Variants in ATP9B observed in about 807,000 individuals in gnomAD.
ATP9B encodes probable phospholipid-transporting ATPase IIB.
ATP9B carries 110 observed loss-of-function variants against 146.1 expected under a neutral mutation model. The observed-to-expected ratio is 0.75, with a 90% CI of 0.65 to 0.88. ATP9B has a LOEUF of 0.88. ATP9B is among the 40% of genes least tolerant of loss of function. The pLI, the probability that ATP9B is intolerant of heterozygous loss-of-function variation, is 0.00. For synonymous variants in ATP9B, 604 were observed against 569.7 expected (o/e 1.06, Z -0.86); for missense variants, 1,499 against 1,496.4 (o/e 1.00, Z -0.03).
At chr18:79,120,732 C>T (rs2094174629) in intron 4 of ATP9B, among the ~76,000 whole-genome samples, 1 of 152,284 alleles carries the variant, frequency 6.6e-6, no homozygotes, top group South Asian at 2.1e-4. Context: ...AGCTCTGGCT[C>T]TAACAGTTTT....
intron 7 of ATP9B, among the ~76,000 whole-genome samples, chr18:79,158,849 G>T (rs961652409): frequency 2.0e-5 from 3 of 152,084 alleles, no homozygotes; most frequent in African/African-American, 7.2e-5. Flanking sequence ...TTTGTTCTAG[G>T]TCTGCAGCAT....
chr18:79,167,632 T>G (rs932907261), intron 7 of ATP9B, among the ~76,000 whole-genome samples: 9 of 152,164 alleles, frequency 5.9e-5, no homozygotes, highest in South Asian at 2.1e-4. Context: ...GAAACTCGCT[T>G]TTTTTATGAA....
intron 12 of ATP9B, among the ~76,000 whole-genome samples, chr18:79,272,725 A>C (rs928564058): frequency 1.3e-5 from 2 of 152,196 alleles, no homozygotes; most frequent in Non-Finnish European, 2.9e-5. Flanking sequence ...TCTTCAGATC[A>C]GTGATCATTT....
At chr18:79,165,250 C>G (rs1483861198) in intron 7 of ATP9B, among the ~76,000 whole-genome samples, 1 of 152,346 alleles carries the variant, frequency 6.6e-6, no homozygotes, top group South Asian at 2.1e-4. Context: ...CTGTCTGGCT[C>G]TGCCTACTCT....
In ATP9B at chr18:79,373,923, G is replaced by A. The variant is rs371190063; in HGVS notation, c.3096G>A (p.Leu1032=). ...GCGGCATCCTCATGTATGGGGCCCTGGTGCTCTTCGAGTCTGAGTTCGTCC... is the reference window on the plus strand; with the variant it reads ...GCGGCATCCTCATGTATGGGGCCCTAGTGCTCTTCGAGTCTGAGTTCGTCC... ...YQGGILMYGA[L]VLFESEFVHV... is the part of the protein sequence containing the mutation. Residue 1032 remains leucine, a synonymous_variant, in exon 28 of 30, where the codon CTG becomes CTA. Transcript: ENST00000426216. The A allele has an allele frequency of 3.1e-5, 50 of 1,613,068 alleles. No homozygotes were observed. The highest frequency in any genetic ancestry group is 6.8e-6 in the Non-Finnish European group (8 of 1,180,022).
At chr18:79,348,658 G>A (rs1196555103) in intron 25 of ATP9B, among the ~76,000 whole-genome samples, 1 of 152,244 alleles carries the variant, frequency 6.6e-6, no homozygotes, top group Middle Eastern at 3.2e-3. Flanking sequence ...CTCCTGGGCA[G>A]GAATGGAATC....
At chr18:79,295,578 A>G (rs993799651) in intron 13 of ATP9B, among the ~76,000 whole-genome samples, 1 of 152,196 alleles carries the variant, frequency 6.6e-6, no homozygotes, top group Non-Finnish European at 1.5e-5. Flanking sequence ...AAATTTTTAT[A>G]TGTGTCATTA....
At chr18:79,126,521 A>G (rs1599743872) in intron 5 of ATP9B, 146 bp downstream of exon 5, 1 of 592,226 alleles carries the variant, frequency 1.7e-6, no homozygotes, top group Non-Finnish European at 2.8e-6. Context: ...TAATTTCCTT[A>G]TAATGTATAA....
chr18:79,377,190 T>C, intron 29 of ATP9B, 57 bp from the exon 30 acceptor site: 2 of 1,600,218 alleles, frequency 1.2e-6, no homozygotes, highest in East Asian at 4.5e-5. Flanking sequence ...GCTGTGGCCA[T>C]GAGGGCCCAG....
intron 27 of ATP9B, among the ~76,000 whole-genome samples, chr18:79,373,487 C>T (rs113884243): frequency 0.023 from 3,253 of 141,580 alleles, 54 homozygotes; most frequent in Middle Eastern, 0.057. Context: ...TGGCCATTAT[C>T]CGCCTTTTTT....
intron 13 of ATP9B, among the ~76,000 whole-genome samples, chr18:79,295,127 C>G (rs1250915399): frequency 7.0e-6 from 1 of 142,870 alleles, no homozygotes; most frequent in Non-Finnish European, 1.5e-5. Flanking sequence ...CACACACACA[C>G]AGCAAGGTTG....
intron 1 of ATP9B, among the ~76,000 whole-genome samples, chr18:79,078,963 C>T (rs866334867): frequency 1.3e-4 from 20 of 152,294 alleles, no homozygotes; most frequent in South Asian, 2.1e-4. Context: ...TTTCCAGCTT[C>T]GTCCATGTCC....
At chr18:79,257,087 G>A (rs2096089825) in intron 12 of ATP9B, among the ~76,000 whole-genome samples, 2 of 152,236 alleles carry the variant, frequency 1.3e-5, no homozygotes, top group Middle Eastern at 6.8e-3. Context: ...ATCACCTGAG[G>A]TCAGGAGTTT....
chr18:79,348,248 GAAA>G (rs56654324), intron 25 of ATP9B, 52 bp downstream of exon 25: 29,683 of 810,418 alleles, frequency 0.037, 116 homozygotes, highest in East Asian at 0.053. Context: ...CTTCTATTTT[GAAA>G]AAAAAAAAAA....
intron 11 of ATP9B, among the ~76,000 whole-genome samples, chr18:79,224,126 A>AT (rs2095706889): frequency 6.6e-6 from 1 of 152,220 alleles, no homozygotes; most frequent in African/African-American, 2.4e-5. Flanking sequence ...GTATAGCTAA[A>AT]TTCTCTGTAA....
chr18:79,308,035 T>C (rs2096628860), intron 15 of ATP9B, among the ~76,000 whole-genome samples: 1 of 152,096 alleles, frequency 6.6e-6, no homozygotes, highest in African/African-American at 2.4e-5. Flanking sequence ...TCTAATGTTT[T>C]AAAGAGAGGA....
In ATP9B at chr18:79,154,508, A is replaced by C; in HGVS notation, c.731A>C (p.Gln244Pro). The C allele has an allele frequency of 2.0e-6, 3 of 1,537,772 alleles. No homozygotes were observed. The highest frequency in any genetic ancestry group is 2.6e-6 in the Non-Finnish European group (3 of 1,151,358). Residue 244 changes from glutamine (Q) to proline (P), a missense_variant, in exon 7 of 30, where the codon CAA becomes CCA. By Grantham distance (76) the Gln-to-Pro change is moderately conservative (BLOSUM62 -1). Coordinates refer to ENST00000426216, the MANE Select transcript of ATP9B (RefSeq NM_198531.5). ...VGDLIIVEKN[Q>P]RIPSDMVFLR... ...CTTTTATAATGCTCTTTGCAGAATC[A>C]AAGAATTCCATCGGACATGGTGTTT... is the stretch of plus-strand genomic sequence containing the variant.
chr18:79,077,085 A>G (rs1335502628), intron 1 of ATP9B, among the ~76,000 whole-genome samples: 3 of 152,176 alleles, frequency 2.0e-5, no homozygotes, highest in African/African-American at 7.2e-5. Flanking sequence ...TCCTCATTAG[A>G]TAATTTCAGT....
chr18:79,130,581 A>G (rs2094361357), intron 5 of ATP9B, among the ~76,000 whole-genome samples: 1 of 152,172 alleles, frequency 6.6e-6, no homozygotes, highest in Non-Finnish European at 1.5e-5. Context: ...GATAAAAGAC[A>G]TTAATCTGTA....
Sources: allele counts gnomAD v4.1 joint callset (sites outside exome capture counted in the v4.1 genomes callset), GRCh38; gene constraint gnomAD v4.1.1; transcripts MANE v1.5; gene names NCBI Gene and HGNC (gene_info 2026-07-23, HGNC 2026-07-21).